ARHGEF12: variants seen among roughly 807,000 people sequenced by gnomAD.
The protein encoded by ARHGEF12 is KMT2A/ARHGEF12 fusion protein.
In ARHGEF12, 66 loss-of-function variants were observed where a neutral mutation model predicts 211.2. The observed-to-expected ratio is 0.31, with a 90% CI of 0.26 to 0.38. The LOEUF (loss-of-function observed/expected upper bound fraction) is 0.38, where lower values mean the gene tolerates loss of function less well. Among genes scored for constraint, ARHGEF12 ranks in the 10% least tolerant of loss-of-function variants. The probability of loss-of-function intolerance (pLI) is 1.00; values close to 1 mark genes in which losing one functional copy is unlikely to be tolerated. For synonymous variants in ARHGEF12, 592 were observed against 638.4 expected, an observed-to-expected ratio of 0.93 and a Z score of 1.09; for missense variants, 1,429 against 1,869.5, an observed-to-expected ratio of 0.76 and a Z score of 4.34.
intron 4 of ARHGEF12, chr11:120,411,776 T>G (rs563794612): frequency 3.3e-5 from 5 of 150,860 alleles, no homozygotes; most frequent in South Asian, 4.2e-4. Flanking sequence ...TTGTTTGTTT[T>G]TTTAATAGAG....
rs1025919456 is a variant in ARHGEF12 at position 120,367,353 on chromosome 11, C to CTTTTTTTTTTTTTTTTTTTTTTTTTTTT, written c.32+30081_32+30108dup. 2.7e-4 allele frequency among the ~76,000 whole-genome samples: 16 copies of CTTTTTTTTTTTTTTTTTTTTTTTTTTTT among 59,352 alleles called. 6 individuals are homozygous for CTTTTTTTTTTTTTTTTTTTTTTTTTTTT. Among genetic ancestry groups the CTTTTTTTTTTTTTTTTTTTTTTTTTTTT allele is most frequent in the East Asian group, 9.8e-4 (2 of 2,034 alleles). The allele number at this position is 59,352 out of a possible 152,430, so 38.9% of individuals were successfully genotyped here. On this transcript the variant is annotated intron_variant, in intron 1 of 40. Coordinates refer to ENST00000397843, the MANE Select transcript of ARHGEF12 (RefSeq NM_015313.3). Reference sequence around the variant, plus strand: ...AAAAAATCTGTTAGGATACTTTTTCCTTTTTTTTTTTTTTTTTTTTTTTTT... The same window carrying CTTTTTTTTTTTTTTTTTTTTTTTTTTTT: ...AAAAAATCTGTTAGGATACTTTTTCCTTTTTTTTTTTTTTTTTTTTTTTTTTTTTTTTTTTTTTTTTTTTTTTTTTTTT...
At chr11:120,347,159 C>T (rs367874816) in intron 1 of ARHGEF12, among the ~76,000 whole-genome samples, 24,321 of 72,382 alleles carry the variant, frequency 0.34, 3,565 homozygotes, top group African/African-American at 0.45. Flanking sequence ...TTCCTTCCTT[C>T]CTTCCTTCCT....
At chr11:120,407,241 G>A (rs1944731783) in intron 2 of ARHGEF12, among the ~76,000 whole-genome samples, 1 of 152,190 alleles carries the variant, frequency 6.6e-6, no homozygotes, top group South Asian at 2.1e-4. Flanking sequence ...CCTTAAAGTG[G>A]TTGGCTAAGA....
chr11:120,442,481 CAT>C (rs1555114198), intron 15 of ARHGEF12, among the ~76,000 whole-genome samples: 14 of 148,130 alleles, frequency 9.5e-5, no homozygotes, highest in Non-Finnish European at 1.6e-4. Context: ...CACACACACA[CAT>C]ATTTGTGTTT....
chr11:120,417,935 A>C (rs1039313956), intron 4 of ARHGEF12, among the ~76,000 whole-genome samples: 3 of 152,228 alleles, frequency 2.0e-5, no homozygotes, highest in African/African-American at 7.2e-5. Context: ...CAAAGGTTGA[A>C]TTCTAATGTG....
At chr11:120,367,287 G>A (rs372278133) in intron 1 of ARHGEF12, among the ~76,000 whole-genome samples, 1 of 141,432 alleles carries the variant, frequency 7.1e-6, no homozygotes, top group South Asian at 2.5e-4. Context: ...TTATAGGACA[G>A]CACAAAATAA....
chr11:120,439,305 A>G (rs1384143713), intron 12 of ARHGEF12: 2 of 152,176 alleles, frequency 1.3e-5, no homozygotes, highest in African/African-American at 2.4e-5. Context: ...TTGTTTCTAT[A>G]GCAGTGTTTG....
chr11:120,402,166 G>A (rs947883932), intron 1 of ARHGEF12, among the ~76,000 whole-genome samples: 3 of 152,142 alleles, frequency 2.0e-5, no homozygotes, highest in Admixed American at 6.5e-5. Flanking sequence ...TTGTTTCTGA[G>A]GAGTCTTTTG....
chr11:120,372,710 A>G (rs1943622400), intron 1 of ARHGEF12, among the ~76,000 whole-genome samples: 1 of 152,122 alleles, frequency 6.6e-6, no homozygotes, highest in Admixed American at 6.5e-5. Context: ...GATTTATGAT[A>G]AGATAGGCCT....
intron 12 of ARHGEF12, 58 bp from the exon 13 acceptor site, chr11:120,440,071 T>A: frequency 7.9e-7 from 1 of 1,269,576 alleles, no homozygotes; most frequent in Non-Finnish European, 1.1e-6. Context: ...GGCTTTATTC[T>A]TTTTCTAAAT....
Position 120,485,069 on chromosome 11 carries a change from A to G in ARHGEF12, c.4627A>G (p.Lys1543Glu). 2 of 1,613,530 alleles carry G rather than the reference A, an allele frequency of 1.2e-6. No individual in the cohort carries two copies. Among genetic ancestry groups the G allele is most frequent in the East Asian group, 2.2e-5 (1 of 44,888 alleles). The stretch of plus-strand genomic sequence containing the variant: ...CCATGTATCTTTATTCTTCTCAGAT[A>G]AAAGTTAGAGCCGCATGTCCTGGAG... ...GSALTDKHSD[K>E]S The change falls in exon 41 of 41, where the codon AAA becomes GAA. Residue 1543 changes from lysine (K) to glutamate (E), a missense_variant and splice_region_variant. This residue lies in a region of ARHGEF12 where 467 missense variants were observed against 468.4 expected (regional missense o/e 1.00). Transcript: ENST00000397843.
chr11:120,381,405 T>C (rs141146823), intron 1 of ARHGEF12, among the ~76,000 whole-genome samples: 2 of 152,312 alleles, frequency 1.3e-5, no homozygotes, highest in East Asian at 3.9e-4. Flanking sequence ...TTTCAACCTA[T>C]GTACACATGA....
At chr11:120,473,408 C>T (rs2135966313) in intron 31 of ARHGEF12, among the ~76,000 whole-genome samples, 1 of 152,252 alleles carries the variant, frequency 6.6e-6, no homozygotes, top group South Asian at 2.1e-4. Context: ...TTATTGTGTT[C>T]TGTAGTTTGT....
intron 1 of ARHGEF12, among the ~76,000 whole-genome samples, chr11:120,391,579 C>G (rs1025696943): frequency 1.3e-5 from 2 of 152,194 alleles, no homozygotes; most frequent in Non-Finnish European, 2.9e-5. Flanking sequence ...TTGGAAAAAT[C>G]CAAATACTTG....
intron 33 of ARHGEF12, 120 bp from the exon 34 acceptor site, chr11:120,476,541 A>T: frequency 1.9e-6 from 1 of 536,304 alleles, no homozygotes; most frequent in Non-Finnish European, 3.1e-6. Context: ...GATGAATTTT[A>T]AAGTAAATAT....
At chr11:120,357,021 T>C (rs183715590) in intron 1 of ARHGEF12, among the ~76,000 whole-genome samples, 2 of 152,066 alleles carry the variant, frequency 1.3e-5, no homozygotes, top group African/African-American at 4.8e-5. Context: ...ACTGTTTTTT[T>C]TTTTGTTTTG....
At chr11:120,440,488 T>TA (rs973337544) in intron 13 of ARHGEF12, among the ~76,000 whole-genome samples, 25 of 152,092 alleles carry the variant, frequency 1.6e-4, no homozygotes, top group Non-Finnish European at 3.4e-4. Context: ...ATAGTATTTT[T>TA]AAAAAAAATT....
At chr11:120,337,683 A>G (rs1942395276) in intron 1 of ARHGEF12, 1 of 985,276 alleles carries the variant, frequency 1.0e-6, no homozygotes, top group African/African-American at 1.7e-5. Context: ...AGACAATTAC[A>G]TTTTAGGAAT....
chr11:120,457,378 T>A lies in ARHGEF12; in HGVS notation c.2189+128T>A. On this transcript the variant is annotated intron_variant, in intron 23 of 40. Transcript: ENST00000397843. ...GGTGGTATGTACCTATAATGCCAGC[T>A]ACTTGGGAGGCTGAGGCAGGAGAAT... 5.4e-6 allele frequency: 6 copies of A among 1,119,504 alleles called. No homozygotes were observed. In the South Asian group the frequency reaches 1.3e-4, roughly 24 times the overall value. The allele number at this position is 1,119,504 out of a possible 1,614,324, so 69.3% of individuals were successfully genotyped here.
Sources: allele counts gnomAD v4.1 joint callset (sites outside exome capture counted in the v4.1 genomes callset), GRCh38; gene constraint gnomAD v4.1.1; regional missense constraint gnomAD v4.1.1; transcripts MANE v1.5; gene names NCBI Gene and HGNC (gene_info 2026-07-23, HGNC 2026-07-21).